The following NR2F1-AS1 variants were observed in gnomAD, a reference collection of about 807,000 sequenced individuals.
NR2F1-AS1 encodes the protein NR2F1 regulatory antisense RNA 1.
At chr5:93,493,596 C>G (rs1292385082) in intron 4 of NR2F1-AS1, among the ~76,000 whole-genome samples, 1 of 152,002 alleles carries the variant, frequency 6.6e-6, no homozygotes, top group African/African-American at 2.4e-5. Flanking sequence ...AATTTCAAAA[C>G]TTACTACATA....
At chr5:93,510,068 T>C (rs968094784) in intron 4 of NR2F1-AS1, among the ~76,000 whole-genome samples, 2 of 152,116 alleles carry the variant, frequency 1.3e-5, no homozygotes, top group African/African-American at 4.8e-5. Flanking sequence ...TTTACTTAGA[T>C]TGTAAATAGA....
chr5:93,465,459 T>A (rs1173760110), intron 4 of NR2F1-AS1, among the ~76,000 whole-genome samples: 1 of 151,926 alleles, frequency 6.6e-6, no homozygotes, highest in African/African-American at 2.4e-5. Context: ...GAAATAGGAG[T>A]GTTTTACACT....
chr5:93,521,979 T>G (rs1330842344), intron 4 of NR2F1-AS1, among the ~76,000 whole-genome samples: 1 of 152,108 alleles, frequency 6.6e-6, no homozygotes, highest in Non-Finnish European at 1.5e-5. Context: ...AATAACAAAT[T>G]AAATAAAGAA....
At chr5:93,559,499 T>G (rs1236702439) in intron 2 of NR2F1-AS1, among the ~76,000 whole-genome samples, 1 of 152,240 alleles carries the variant, frequency 6.6e-6, no homozygotes, top group Non-Finnish European at 1.5e-5. Flanking sequence ...TTCCTTTGCT[T>G]CCACAACTTG....
At chr5:93,469,961 T>A (rs566672247) in intron 4 of NR2F1-AS1, among the ~76,000 whole-genome samples, 9 of 152,184 alleles carry the variant, frequency 5.9e-5, no homozygotes, top group South Asian at 2.1e-4. Context: ...ACAACATATT[T>A]ATCAAAAGTA....
chr5:93,571,358 C>G (rs1752763026), intron 1 of NR2F1-AS1: 1 of 151,188 alleles, frequency 6.6e-6, no homozygotes. Context: ...TCAGTCCTTC[C>G]CGGCTAGGGA....
chr5:93,433,979 A>G (rs553641840), intron 4 of NR2F1-AS1, among the ~76,000 whole-genome samples: 3 of 152,268 alleles, frequency 2.0e-5, no homozygotes, highest in African/African-American at 4.8e-5. Context: ...GGCCAAGTGT[A>G]GACTTTGCCT....
intron 4 of NR2F1-AS1, among the ~76,000 whole-genome samples, chr5:93,517,387 GCTGGTGATAT>G (rs1340436039): frequency 9.2e-5 from 14 of 152,062 alleles, no homozygotes; most frequent in South Asian, 8.3e-4. Flanking sequence ...TAAGAAACAT[GCTGGTGATAT>G]CTCCTGTTAG....
Position 93,419,318 on chromosome 5 carries a change from T to C in NR2F1-AS1, n.639-23776A>G, listed in dbSNP as rs141809543. Among the ~76,000 whole-genome samples the C allele has an allele frequency of 6.7e-4, 102 of 152,344 alleles. 1 individual carries two copies. The highest frequency in any genetic ancestry group is 2.4e-3 in the African/African-American group (98 of 41,576). On this transcript the variant is annotated intron_variant and non_coding_transcript_variant, in intron 4 of 5. Coordinates refer to ENST00000660523, the Ensembl canonical transcript of NR2F1-AS1. ...GAAATATATGTGTACAAAGGGAAAT[T>C]ACATGAAAAGAAATATATCTTAGAG... is the stretch of plus-strand genomic sequence containing the variant.
chr5:93,427,892 A>G (rs1357005261), intron 4 of NR2F1-AS1, among the ~76,000 whole-genome samples: 3 of 150,870 alleles, frequency 2.0e-5, no homozygotes, highest in Admixed American at 6.6e-5. Flanking sequence ...TTATGAGAGC[A>G]TACATGTGTA....
chr5:93,481,231 GA>G (rs35901890), intron 4 of NR2F1-AS1, among the ~76,000 whole-genome samples: 8 of 151,762 alleles, frequency 5.3e-5, no homozygotes, highest in Non-Finnish European at 1.5e-5. Context: ...CTGATATCAG[GA>G]AAAAAATGGA....
At chr5:93,431,326 C>T (rs540217030) in intron 4 of NR2F1-AS1, among the ~76,000 whole-genome samples, 1 of 152,094 alleles carries the variant, frequency 6.6e-6, no homozygotes, top group African/African-American at 2.4e-5. Context: ...GGGGATGGGT[C>T]TCACCAAACT....
chr5:93,504,545 G>C (rs991954378), intron 4 of NR2F1-AS1, among the ~76,000 whole-genome samples: 1 of 151,954 alleles, frequency 6.6e-6, no homozygotes. Flanking sequence ...GCTGATAAAG[G>C]CATACTCGAG....
chr5:93,461,516 T>C (rs1057005565), intron 4 of NR2F1-AS1, among the ~76,000 whole-genome samples: 4 of 151,966 alleles, frequency 2.6e-5, no homozygotes, highest in African/African-American at 4.8e-5. Context: ...TAAAAAAAAA[T>C]TCAGTCACCT....
At chr5:93,528,561 A>G (rs1751669173) in intron 4 of NR2F1-AS1, among the ~76,000 whole-genome samples, 1 of 152,230 alleles carries the variant, frequency 6.6e-6, no homozygotes, top group Non-Finnish European at 1.5e-5. Context: ...ATATACCCAA[A>G]GGATTATAAA....
At chr5:93,433,494 G>A (rs781355741) in intron 4 of NR2F1-AS1, among the ~76,000 whole-genome samples, 4 of 152,186 alleles carry the variant, frequency 2.6e-5, no homozygotes, top group Non-Finnish European at 5.9e-5. Context: ...CTATCTCCAA[G>A]TACAGTCATA....
chr5:93,429,647 T>C (rs1457115165), intron 4 of NR2F1-AS1, among the ~76,000 whole-genome samples: 1 of 152,224 alleles, frequency 6.6e-6, no homozygotes, highest in Non-Finnish European at 1.5e-5. Context: ...GCTATAAACA[T>C]ATCCTTATCA....
chr5:93,419,440 T>C (rs2149841673), intron 4 of NR2F1-AS1, among the ~76,000 whole-genome samples: 1 of 152,328 alleles, frequency 6.6e-6, no homozygotes, highest in Non-Finnish European at 1.5e-5. Flanking sequence ...GCACCTGCAG[T>C]CCCACCTACT....
chr5:93,410,023 A>G (rs1580199523), intron 4 of NR2F1-AS1: 1 of 152,352 alleles, frequency 6.6e-6, no homozygotes, highest in South Asian at 2.1e-4. Flanking sequence ...TGGCTCATAC[A>G]TACTAAAATG....
Sources: gnomAD v4.1 joint callset for allele counts (sites outside exome capture counted in the v4.1 genomes callset) on GRCh38, gnomAD v4.1.1 for gene constraint, MANE v1.5 for transcripts, NCBI Gene and HGNC (gene_info 2026-07-23, HGNC 2026-07-21) for gene names.